Variants in NT5C2 observed in about 807,000 individuals in gnomAD.
NT5C2 encodes the protein cytosolic purine 5'-nucleotidase.
Under a neutral mutation model 76.1 loss-of-function variants are expected in NT5C2, and 58 were observed. The observed-to-expected ratio is 0.76, with a 90% CI of 0.62 to 0.95. The LOEUF (loss-of-function observed/expected upper bound fraction) is 0.95. Among genes scored for constraint, NT5C2 ranks in the 40% least tolerant of loss-of-function variants. The pLI is 0.00. For missense variants in NT5C2, 478 were observed against 690.3 expected, an observed-to-expected ratio of 0.69 and a Z score of 3.45; for synonymous variants, 229 against 237.4, an observed-to-expected ratio of 0.96 and a Z score of 0.32.
chr10:103,161,287 C>A (rs1434976401), intron 3 of NT5C2, among the ~76,000 whole-genome samples: 2 of 152,146 alleles, frequency 1.3e-5, no homozygotes, highest in Admixed American at 1.3e-4. Context: ...AAGTGATCCT[C>A]CCACCTCAGC....
At chr10:103,186,349 C>T (rs1415825783) in intron 1 of NT5C2, among the ~76,000 whole-genome samples, 1 of 152,154 alleles carries the variant, frequency 6.6e-6, no homozygotes, top group Non-Finnish European at 1.5e-5. Flanking sequence ...ATACTTGAAG[C>T]CTTAGCACAA....
At chr10:103,175,651 C>G (rs1178171987) in intron 2 of NT5C2, 1 of 228,622 alleles carries the variant, frequency 4.4e-6, no homozygotes, top group Non-Finnish European at 9.2e-6. Flanking sequence ...ACGATGGCCA[C>G]GTGAAAAGCA....
intron 4 of NT5C2, among the ~76,000 whole-genome samples, chr10:103,112,660 C>T (rs2073326094): frequency 6.6e-6 from 1 of 152,072 alleles, no homozygotes; most frequent in Non-Finnish European, 1.5e-5. Context: ...GGTACTCAAC[C>T]GAAGAGCAGA....
At chr10:103,131,216 C>T (rs1032609205) in intron 4 of NT5C2, among the ~76,000 whole-genome samples, 15 of 152,204 alleles carry the variant, frequency 9.9e-5, no homozygotes, top group African/African-American at 2.9e-4. Context: ...AAGAATTTCA[C>T]TACATTCTAA....
At chr10:103,187,678 ATGTT>A (rs1018042385) in intron 1 of NT5C2, among the ~76,000 whole-genome samples, 4 of 152,102 alleles carry the variant, frequency 2.6e-5, no homozygotes, top group Non-Finnish European at 5.9e-5. Context: ...TTGATACAGA[ATGTT>A]TGAGCTATTT....
intron 1 of NT5C2, among the ~76,000 whole-genome samples, chr10:103,191,717 C>CA (rs2092657264): frequency 6.7e-6 from 1 of 149,434 alleles, no homozygotes. Context: ...GAACCCCCCC[C>CA]ACTCCACCCC....
At chr10:103,127,821 GCTGGGATTA>G (rs1359032771) in intron 4 of NT5C2, among the ~76,000 whole-genome samples, 1 of 152,166 alleles carries the variant, frequency 6.6e-6, no homozygotes, top group Non-Finnish European at 1.5e-5. Flanking sequence ...CTCCCAAGGT[GCTGGGATTA>G]CAGGCGTGAG....
intron 5 of NT5C2, 83 bp from the exon 6 acceptor site, chr10:103,105,884 C>A: frequency 1.1e-6 from 1 of 900,424 alleles, no homozygotes; most frequent in Non-Finnish European, 1.8e-6. Flanking sequence ...CATCATGAAC[C>A]AACCTCATTT....
chr10:103,176,689 G>A (rs1218622974), intron 2 of NT5C2, among the ~76,000 whole-genome samples: 5 of 152,124 alleles, frequency 3.3e-5, no homozygotes, highest in Admixed American at 6.6e-5. Flanking sequence ...AGACCGGGGC[G>A]AGGGGGTCTC....
intron 2 of NT5C2, among the ~76,000 whole-genome samples, chr10:103,180,482 A>C (rs2090858009): frequency 6.6e-6 from 1 of 152,214 alleles, no homozygotes. Flanking sequence ...CTCTAATCCC[A>C]ACACTTTGGG....
In NT5C2 at chr10:103,098,951, C is replaced by T. The variant is rs1359934879; in HGVS notation, c.667G>A (p.Glu223Lys). The part of the protein sequence containing the change: ...SLKEKTVENL[E>K]KYVVKDGKLP... The stretch of plus-strand genomic sequence containing the variant: ...CTTACATCTTTGACTACATACTTCT[C>T]AAGATTTTCAACTGTCTTTTCCTTA... Residue 223 changes from glutamate (E) to lysine (K), a missense_variant, in exon 10 of 19, where the codon GAG becomes AAG. By Grantham distance (56) the Glu-to-Lys change is moderately conservative (BLOSUM62 1). Transcript: ENST00000404739. The T allele has an allele frequency of 6.2e-7, 1 of 1,607,800 alleles. No individual in the cohort carries two copies. Among genetic ancestry groups the T allele is most frequent in the Admixed American group, 1.7e-5 (1 of 59,716 alleles).
chr10:103,150,478 TACAA>T (rs892842804), intron 3 of NT5C2, among the ~76,000 whole-genome samples: 11 of 152,218 alleles, frequency 7.2e-5, no homozygotes, highest in African/African-American at 2.4e-4. Context: ...ATAATGCTGC[TACAA>T]ACAGTCACAT....
At chr10:103,091,030 T>A in intron 16 of NT5C2, 34 bp from the exon 17 acceptor site, 1 of 1,583,698 alleles carries the variant, frequency 6.3e-7, no homozygotes, top group Non-Finnish European at 8.6e-7. Flanking sequence ...TGAAAATCTC[T>A]GGGAAGAGCT....
chr10:103,182,089 A>G (rs1190242804), intron 1 of NT5C2, among the ~76,000 whole-genome samples: 1 of 152,164 alleles, frequency 6.6e-6, no homozygotes, highest in Non-Finnish European at 1.5e-5. Flanking sequence ...CCACGCTGCT[A>G]GAGTTATACA....
At chr10:103,154,257 A>T (rs2082921710) in intron 3 of NT5C2, among the ~76,000 whole-genome samples, 1 of 152,182 alleles carries the variant, frequency 6.6e-6, no homozygotes, top group Admixed American at 6.5e-5. Context: ...CTACTACTTG[A>T]ATTAAGGCTT....
At chr10:103,104,173 C>A (rs1293074084) in intron 6 of NT5C2, among the ~76,000 whole-genome samples, 1 of 152,222 alleles carries the variant, frequency 6.6e-6, no homozygotes, top group Non-Finnish European at 1.5e-5. Context: ...CTAAAGACTG[C>A]ACAGTGCTAA....
At chr10:103,124,390 G>A (rs1428332740) in intron 4 of NT5C2, among the ~76,000 whole-genome samples, 2 of 152,076 alleles carry the variant, frequency 1.3e-5, no homozygotes, top group Non-Finnish European at 2.9e-5. Context: ...TAAACACACA[G>A]AAAAGAGCAT....
intron 3 of NT5C2, among the ~76,000 whole-genome samples, chr10:103,159,566 G>A (rs375094355): frequency 1.3e-5 from 2 of 151,392 alleles, no homozygotes; most frequent in South Asian, 2.1e-4. Flanking sequence ...GGAGAATCAC[G>A]TGAAGCCAGG....
intron 1 of NT5C2, among the ~76,000 whole-genome samples, chr10:103,187,376 T>C (rs1015516207): frequency 6.6e-6 from 1 of 151,578 alleles, no homozygotes; most frequent in Non-Finnish European, 1.5e-5. Context: ...AAACTCCATC[T>C]CTACTAAAAA....
Sources: allele counts gnomAD v4.1 joint callset (sites outside exome capture counted in the v4.1 genomes callset), GRCh38; gene constraint gnomAD v4.1.1; transcripts MANE v1.5; gene names NCBI Gene and HGNC (gene_info 2026-07-23, HGNC 2026-07-21).